The following CELF2 variants were observed in gnomAD, a reference collection of about 807,000 sequenced individuals.
CELF2 encodes the protein CUGBP Elav-like family member 2, also known as CUG triplet repeat RNA-binding protein 2.
Under a neutral mutation model 62.6 loss-of-function variants are expected in CELF2, and 8 were observed. The ratio of observed to expected loss-of-function variants is 0.13; its 90% CI spans 0.07 to 0.23. The LOEUF is 0.23. CELF2 is among the 10% of genes least tolerant of loss of function. The pLI is 1.00. For synonymous variants in CELF2, 258 were observed against 250.0 expected, an observed-to-expected ratio of 1.03 and a Z score of -0.30; for missense variants, 333 against 671.0, an observed-to-expected ratio of 0.50 and a Z score of 5.56.
At chr10:11,251,015 C>T (rs1187662448) in intron 4 of CELF2, among the ~76,000 whole-genome samples, 1 of 152,152 alleles carries the variant, frequency 6.6e-6, no homozygotes, top group Non-Finnish European at 1.5e-5. Flanking sequence ...CGAGAGATGA[C>T]TCTTGTATTT....
the CELF2 span, among the ~76,000 whole-genome samples, chr10:10,528,873 C>A: frequency 2.0e-5 from 3 of 152,100 alleles, no homozygotes; most frequent in African/African-American, 7.2e-5. Flanking sequence ...TTTATTTTGA[C>A]GCGATTATTT....
At chr10:11,310,673 C>T (rs376260109) in intron 9 of CELF2, among the ~76,000 whole-genome samples, 73 of 151,732 alleles carry the variant, frequency 4.8e-4, no homozygotes, top group East Asian at 1.7e-3. Flanking sequence ...GTTTTTAACA[C>T]GCTACTTACT....
chr10:11,165,175 C>G lies in CELF2; in HGVS notation c.75-311C>G. The G allele has an allele frequency of 8.3e-7, 1 of 1,211,162 alleles. No homozygotes were observed. The highest frequency in any genetic ancestry group is 1.0e-6 in the Non-Finnish European group (1 of 965,676). 75.0% of individuals were successfully genotyped at this position (1,211,162 alleles called of 1,614,324 possible). Reference sequence around the variant, plus strand: ...TGGCAGCCTTGCAGAGCTAGACCTGCACTTAACTTGCAGCTGCCTCCCGAG... The same window carrying G: ...TGGCAGCCTTGCAGAGCTAGACCTGGACTTAACTTGCAGCTGCCTCCCGAG... On this transcript the variant is annotated intron_variant, in intron 1 of 12. Coordinates refer to ENST00000633077, the MANE Select transcript of CELF2 (RefSeq NM_001326342.2). The surrounding 1 kb of genome is among the most constrained non-coding windows in gnomAD (Gnocchi z 7.4).
rs1247637560 is a variant in CELF2, at chr10:11,046,333, A to G, written c.74+28170A>G. ...CAATGTGCCGGTCAGAAAATCACAGATTGCCAACTGCTGCTGGATGCAATT... is the reference window on the plus strand; with the variant it reads ...CAATGTGCCGGTCAGAAAATCACAGGTTGCCAACTGCTGCTGGATGCAATT... On this transcript the variant is annotated intron_variant, in intron 1 of 12. Coordinates refer to ENST00000633077, the MANE Select transcript of CELF2 (RefSeq NM_001326342.2). This position sits in a 1 kb window ranked among gnomAD's most constrained non-coding sequence, Gnocchi z 4.6. Among the ~76,000 whole-genome samples, 2 of 152,184 alleles carry G rather than the reference A, an allele frequency of 1.3e-5. No individual in the cohort carries two copies. Among genetic ancestry groups the G allele is most frequent in the Non-Finnish European group, 2.9e-5 (2 of 68,028 alleles).
At chr10:10,502,556 G>T in the CELF2 span, among the ~76,000 whole-genome samples, 1 of 151,884 alleles carries the variant, frequency 6.6e-6, no homozygotes, top group East Asian at 1.9e-4. Flanking sequence ...ATGTGTATAT[G>T]AATATTCATA....
chr10:10,953,241 G>A (rs1180188394), intron 2 of CELF2, among the ~76,000 whole-genome samples: 3 of 152,178 alleles, frequency 2.0e-5, no homozygotes, highest in East Asian at 1.9e-4. Context: ...TCCGTGGCAA[G>A]GGAGGAAAAT....
chr10:10,650,232 C>T, the CELF2 span, among the ~76,000 whole-genome samples: 2 of 152,086 alleles, frequency 1.3e-5, no homozygotes, highest in Admixed American at 6.6e-5. Flanking sequence ...AACAAAAAGG[C>T]CCCCATTGAA....
At chr10:10,504,751 T>A in the CELF2 span, among the ~76,000 whole-genome samples, 3 of 152,170 alleles carry the variant, frequency 2.0e-5, no homozygotes, top group Admixed American at 2.0e-4. Flanking sequence ...TATTTCTCTC[T>A]ATTCAGAATA....
intron 1 of CELF2, among the ~76,000 whole-genome samples, chr10:11,121,727 T>C (rs551766256): frequency 1.4e-4 from 22 of 152,182 alleles, no homozygotes; most frequent in Non-Finnish European, 2.9e-4. Context: ...TCTTTGACTT[T>C]GATTTGTGGA....
intron 7 of CELF2, among the ~76,000 whole-genome samples, chr10:11,272,166 C>A (rs1410541507): frequency 6.6e-6 from 1 of 152,222 alleles, no homozygotes; most frequent in Non-Finnish European, 1.5e-5. Flanking sequence ...TTCCTCTGTG[C>A]TGCTAGCAAA....
chr10:10,846,798 A>G (rs550549178), intron 1 of CELF2, among the ~76,000 whole-genome samples: 1 of 152,358 alleles, frequency 6.6e-6, no homozygotes, highest in South Asian at 2.1e-4. Flanking sequence ...AAATGAGGCT[A>G]GAAAACCATC....
the CELF2 span, among the ~76,000 whole-genome samples, chr10:10,729,091 T>C: frequency 1.4e-4 from 21 of 152,104 alleles, no homozygotes; most frequent in Non-Finnish European, 2.8e-4. Context: ...CAATGACAGA[T>C]GTAGTTAGCT....
the CELF2 span, among the ~76,000 whole-genome samples, chr10:10,463,970 A>AG: frequency 6.6e-6 from 1 of 151,842 alleles, no homozygotes; most frequent in Admixed American, 6.6e-5. Flanking sequence ...AAAAAAAAAA[A>AG]AAACTCCTAT....
intron 1 of CELF2, among the ~76,000 whole-genome samples, chr10:11,119,625 T>C (rs2057304348): frequency 6.6e-6 from 1 of 152,308 alleles, no homozygotes; most frequent in South Asian, 2.1e-4. Context: ...ATTTAAACTT[T>C]CATAAATTAT....
the CELF2 span, among the ~76,000 whole-genome samples, chr10:10,523,086 C>T: frequency 0.14 from 21,316 of 152,058 alleles, 1,723 homozygotes; most frequent in Middle Eastern, 0.22. Flanking sequence ...ACCTATGGAC[C>T]GTCAAATGTG....
the CELF2 span, among the ~76,000 whole-genome samples, chr10:10,589,221 T>C: frequency 6.6e-6 from 1 of 152,200 alleles, no homozygotes. Context: ...AGTTGTTAGC[T>C]AAAGACCTGG....
At chr10:10,583,379 A>T in the CELF2 span, among the ~76,000 whole-genome samples, 1 of 152,182 alleles carries the variant, frequency 6.6e-6, no homozygotes, top group Non-Finnish European at 1.5e-5. Flanking sequence ...TACATTGTCC[A>T]TGAGCCCCAT....
intron 2 of CELF2, chr10:10,966,884 C>T (rs568985994): frequency 1.1e-4 from 17 of 152,278 alleles, no homozygotes; most frequent in Middle Eastern, 3.4e-3. Context: ...GAAAGTAAAA[C>T]GAATTCCTGT....
At chr10:10,874,440 TAA>T (rs5783183) in intron 1 of CELF2, among the ~76,000 whole-genome samples, 252 of 144,836 alleles carry the variant, frequency 1.7e-3, no homozygotes, top group East Asian at 5.1e-3. Context: ...GGAAAATGGT[TAA>T]AAAAAAAAAA....
Sources: gnomAD v4.1 joint callset for allele counts (sites outside exome capture counted in the v4.1 genomes callset) on GRCh38, gnomAD v4.1.1 for gene constraint, Gnocchi (gnomAD v3.1) non-coding constraint, MANE v1.5 for transcripts, NCBI Gene and HGNC (gene_info 2026-07-23, HGNC 2026-07-21) for gene names.